The following SYNE3 variants were observed in gnomAD, a reference collection of about 807,000 sequenced individuals.
The protein encoded by SYNE3 is nesprin-3.
SYNE3 carries 100 observed loss-of-function variants against 111.2 expected under a neutral mutation model. The observed-to-expected ratio is 0.90, with a 90% confidence interval of 0.77 to 1.06. The LOEUF (loss-of-function observed/expected upper bound fraction) is 1.06, where lower values mean the gene tolerates loss of function less well. SYNE3 is among the 50% of genes least tolerant of loss of function. SYNE3 has a pLI of 0.00. For synonymous variants in SYNE3, 547 were observed against 533.9 expected, an observed-to-expected ratio of 1.02 and a Z score of -0.34; for missense variants, 1,160 against 1,240.3, an observed-to-expected ratio of 0.94 and a Z score of 0.97.
chr14:95,483,990 T>C (rs1363266310), intron 1 of SYNE3, among the ~76,000 whole-genome samples: 1 of 152,166 alleles, frequency 6.6e-6, no homozygotes, highest in Non-Finnish European at 1.5e-5. Flanking sequence ...CGGTGGTGTC[T>C]GGTAGGGAAA....
intron 4 of SYNE3, among the ~76,000 whole-genome samples, chr14:95,460,367 G>GTTTT (rs548346693): frequency 1.2e-5 from 1 of 85,238 alleles, no homozygotes; most frequent in African/African-American, 4.6e-5. Context: ...ACGATGCCTA[G>GTTTT]TTTTTTTTTT....
At chr14:95,516,487 T>C (rs1890939316) in intron 1 of SYNE3, among the ~76,000 whole-genome samples, 109 bp downstream of exon 1, 2 of 151,236 alleles carry the variant, frequency 1.3e-5, no homozygotes, top group South Asian at 4.2e-4. Flanking sequence ...GCGCCCCCGA[T>C]TCCCGGGGCT....
intron 1 of SYNE3, among the ~76,000 whole-genome samples, chr14:95,480,959 C>A (rs1021165968): frequency 6.6e-6 from 1 of 152,210 alleles, no homozygotes; most frequent in Non-Finnish European, 1.5e-5. Context: ...GCTCTGTGGC[C>A]CATTAGCTGG....
intron 17 of SYNE3, chr14:95,429,912 A>G: frequency 1.0e-6 from 1 of 980,250 alleles, no homozygotes; most frequent in Non-Finnish European, 1.2e-6. Flanking sequence ...CAGGATGTAC[A>G]GTCTACAGGA....
At position 95,441,026 on chromosome 14, in the gene SYNE3, C is replaced by T. The variant is rs145160140; in HGVS notation, c.1912-951G>A. ...CTGTCCCCAGAAGGGCAGCCATTCTCTATGCCTCTGGCCACCCAGCCTGAG... is the reference window on the plus strand; with the variant it reads ...CTGTCCCCAGAAGGGCAGCCATTCTTTATGCCTCTGGCCACCCAGCCTGAG... On this transcript the variant is annotated intron_variant, in intron 11 of 17. Coordinates refer to ENST00000682763, the MANE Select transcript of SYNE3 (RefSeq NM_152592.6). Among the ~76,000 whole-genome samples the T allele has an allele frequency of 1.2e-4, 19 of 152,380 alleles. 1 individual carries two copies. The highest frequency in any genetic ancestry group is 4.3e-4 in the African/African-American group (18 of 41,598).
intron 4 of SYNE3, among the ~76,000 whole-genome samples, chr14:95,461,988 T>C (rs1340616915): frequency 6.6e-6 from 1 of 152,188 alleles, no homozygotes; most frequent in Non-Finnish European, 1.5e-5. Flanking sequence ...CCCACCTTGC[T>C]GATGAGGAGC....
chr14:95,421,646 C>A (rs1465246147), intron 17 of SYNE3, among the ~76,000 whole-genome samples: 1 of 152,212 alleles, frequency 6.6e-6, no homozygotes, highest in Non-Finnish European at 1.5e-5. Context: ...CACTTCCTTT[C>A]TCCTCTGGCT....
At chr14:95,463,028 T>G (rs1358532085) in intron 4 of SYNE3, among the ~76,000 whole-genome samples, 2 of 152,064 alleles carry the variant, frequency 1.3e-5, no homozygotes, top group African/African-American at 4.8e-5. Context: ...TGGTGACACA[T>G]GCCTGTAATG....
Position 95,439,722 on chromosome 14 carries a change from C to T in SYNE3, c.2136G>A (p.Trp712Ter). The change falls in exon 13 of 18, where the codon TGG becomes TGA. Residue 712 changes from tryptophan (W) to a stop codon, truncating the protein, a stop_gained. Transcript: ENST00000682763. LOFTEE classifies it high-confidence loss of function. ...CCGGAGAAGACTTCTCCATCACCAG[C>T]CAGCCCTGCGCTTCCACCAGGGACA... The part of the protein sequence containing the change: ...AQLSLVEAQG[W>*]LVMEKSSPEG... 2 of 1,614,184 alleles carry T rather than the reference C, an allele frequency of 1.2e-6. No individual in the cohort carries two copies. Among genetic ancestry groups the T allele is most frequent in the Non-Finnish European group, 1.7e-6 (2 of 1,180,004 alleles).
chr14:95,492,122 T>C (rs1035752067), intron 1 of SYNE3, among the ~76,000 whole-genome samples: 2 of 152,188 alleles, frequency 1.3e-5, no homozygotes, highest in African/African-American at 2.4e-5. Context: ...AGGAAGATAA[T>C]AACCAGTGTT....
chr14:95,439,527 C>T, intron 13 of SYNE3, 85 bp downstream of exon 13: 1 of 1,557,698 alleles, frequency 6.4e-7, no homozygotes, highest in South Asian at 1.1e-5. Flanking sequence ...GCACCCTGGC[C>T]CTCTGCTCCA....
intron 15 of SYNE3, among the ~76,000 whole-genome samples, chr14:95,436,235 G>A (rs1290376241): frequency 6.6e-6 from 1 of 152,146 alleles, no homozygotes; most frequent in Non-Finnish European, 1.5e-5. Context: ...ACAGAATGCA[G>A]GGGAATTAAT....
At chr14:95,479,224 C>CAAAAAAAAAAAAAAAAAAAAAAAAA (rs71132351) in intron 1 of SYNE3, among the ~76,000 whole-genome samples, 1 of 86,330 alleles carries the variant, frequency 1.2e-5, no homozygotes, top group Admixed American at 1.7e-4. Context: ...TCGTCTCTAC[C>CAAAAAAAAAAAAAAAAAAAAAAAAA]AAAAAAAAAA....
chr14:95,507,329 T>C (rs1312265546), intron 1 of SYNE3, among the ~76,000 whole-genome samples: 2 of 152,242 alleles, frequency 1.3e-5, no homozygotes, highest in Non-Finnish European at 2.9e-5. Flanking sequence ...GAAATGCCAT[T>C]GCCCAAGGCA....
At chr14:95,463,305 G>C (rs1347277894) in intron 4 of SYNE3, among the ~76,000 whole-genome samples, 1 of 152,216 alleles carries the variant, frequency 6.6e-6, no homozygotes, top group Non-Finnish European at 1.5e-5. Flanking sequence ...GATTGTGTGA[G>C]GGGAGAACTC....
At chr14:95,501,437 C>A (rs1332560366) in intron 1 of SYNE3, among the ~76,000 whole-genome samples, 1 of 152,194 alleles carries the variant, frequency 6.6e-6, no homozygotes, top group Non-Finnish European at 1.5e-5. Flanking sequence ...GTGTGTTCAG[C>A]TCTATTCATT....
At chr14:95,477,198 A>T (rs1478690246) in intron 1 of SYNE3, among the ~76,000 whole-genome samples, 1 of 152,214 alleles carries the variant, frequency 6.6e-6, no homozygotes, top group Non-Finnish European at 1.5e-5. Context: ...GGAGTTCAAG[A>T]AAAAGGCCAG....
intron 17 of SYNE3, among the ~76,000 whole-genome samples, chr14:95,419,771 T>C (rs1269643412): frequency 7.2e-6 from 1 of 138,152 alleles, no homozygotes; most frequent in African/African-American, 2.7e-5. Flanking sequence ...ATCATGGAAA[T>C]GGTGATAATG....
chr14:95,446,246 G>T (rs1376425154), intron 8 of SYNE3, among the ~76,000 whole-genome samples, 155 bp from the exon 9 acceptor site: 1 of 152,192 alleles, frequency 6.6e-6, no homozygotes, highest in Non-Finnish European at 1.5e-5. Context: ...AACAAAATGA[G>T]CTGGCAGGAA....
Sources: gnomAD v4.1 joint callset for allele counts (sites outside exome capture counted in the v4.1 genomes callset) on GRCh38, gnomAD v4.1.1 for gene constraint, MANE v1.5 for transcripts, NCBI Gene and HGNC (gene_info 2026-07-23, HGNC 2026-07-21) for gene names.